Variants in SEC16B observed in about 807,000 individuals in gnomAD.
SEC16B encodes the protein SEC16 homolog B, endoplasmic reticulum export factor, also known as protein transport protein Sec16B.
A neutral mutation model predicts 141.8 loss-of-function variants in SEC16B; 115 were observed. The ratio of observed to expected loss-of-function variants is 0.81; its 90% confidence interval spans 0.70 to 0.95. The LOEUF (loss-of-function observed/expected upper bound fraction) is 0.95. SEC16B is among the 40% of genes least tolerant of loss of function. SEC16B has a pLI of 0.00. For synonymous variants in SEC16B, 493 were observed against 492.5 expected (o/e 1.00, Z -0.01); for missense variants, 1,291 against 1,312.3 (o/e 0.98, Z 0.25).
rs373424743 is a variant in SEC16B at position 177,937,303 on chromosome 1, T to C, written c.2414A>G (p.His805Arg). 27 of 1,613,744 alleles carry C rather than the reference T, an allele frequency of 1.7e-5. No individual in the cohort carries two copies. Among genetic ancestry groups the C allele is most frequent in the Admixed American group, 3.3e-5 (2 of 59,980 alleles). ...CACGCTGCTGCCAGTCCCTGGTAGA[T>C]GGGTCTCAGGAACTGAGTAAAAAGG... ...PRPFYSVPETHLPGTGSSVAV... is the reference protein window; with the variant it reads ...PRPFYSVPETRLPGTGSSVAV... The change falls in exon 19 of 26, where the codon CAT (histidine) becomes CGT (arginine). Residue 805 changes from histidine (H) to arginine (R), a missense_variant. Coordinates refer to ENST00000308284, the MANE Select transcript of SEC16B (RefSeq NM_033127.4).
At chr1:177,950,659 A>T (rs1383371313) in intron 12 of SEC16B, among the ~76,000 whole-genome samples, 1 of 152,172 alleles carries the variant, frequency 6.6e-6, no homozygotes, top group Non-Finnish European at 1.5e-5. Flanking sequence ...TAAGTAAAAT[A>T]ATGAAGCAAT....
chr1:177,930,793 C>A, intron 24 of SEC16B, 150 bp from the exon 25 acceptor site: 1 of 505,798 alleles, frequency 2.0e-6, no homozygotes. Context: ...CATGAATATG[C>A]ATTTCTCAAA....
At chr1:177,957,483 T>G (rs1652699007) in intron 10 of SEC16B, among the ~76,000 whole-genome samples, 1 of 152,180 alleles carries the variant, frequency 6.6e-6, no homozygotes, top group Non-Finnish European at 1.5e-5. Flanking sequence ...AGTAAATGTA[T>G]CAAAATGTTA....
At chr1:177,971,859 C>T (rs974578166), upstream of SEC16B, among the ~76,000 whole-genome samples, 9 of 152,124 alleles carry the variant, frequency 5.9e-5, no homozygotes, top group Admixed American at 1.3e-4. Context: ...TTGTGTGAGC[C>T]GGTTGTTAAA....
rs1284714678 is a variant in SEC16B, at chr1:177,958,247, G to A, written c.1250C>T (p.Pro417Leu). Residue 417 changes from proline to leucine, a missense_variant, in exon 10 of 26, where the codon CCA becomes CTA. This residue lies in a region of SEC16B where 681 missense variants were observed against 675.5 expected (regional missense o/e 1.01). Coordinates refer to ENST00000308284, the MANE Select transcript of SEC16B (RefSeq NM_033127.4). ...GTTCGGGGTCCCAGAGCTCAGCACT[G>A]GCCAGTCCTCATCGGTCAGGTTGAT... is the stretch of plus-strand genomic sequence containing the variant. The part of the protein sequence containing the change: ...NLINLTDEDW[P>L]VLSSGTPNLL... 1.9e-6 allele frequency: 3 copies of A among 1,609,828 alleles called. No individual in the cohort carries two copies. The highest frequency in any genetic ancestry group is 2.5e-6 in the Non-Finnish European group (3 of 1,177,960).
chr1:177,941,764 T>C, intron 16 of SEC16B, 136 bp downstream of exon 16: 1 of 920,480 alleles, frequency 1.1e-6, no homozygotes, highest in Non-Finnish European at 1.6e-6. Context: ...CATGCATACA[T>C]GGTCAAAGAT....
chr1:177,933,113 G>C (rs368711269), intron 22 of SEC16B, 101 bp downstream of exon 22: 5 of 916,644 alleles, frequency 5.5e-6, no homozygotes, highest in East Asian at 5.3e-5. Flanking sequence ...ATGTGGCCTG[G>C]GGTAGACTCA....
intron 1 of SEC16B, among the ~76,000 whole-genome samples, chr1:177,976,663 C>T (rs1654180446): frequency 6.6e-6 from 1 of 152,110 alleles, no homozygotes. Context: ...TAGATTAAAA[C>T]CCTACAAAGT....
At position 177,960,423 on chromosome 1, in the gene SEC16B, TTTTGTG is replaced by T; in HGVS notation, c.937-26_937-21del. On this transcript the variant is annotated intron_variant, in intron 7 of 25. Coordinates refer to ENST00000308284, the MANE Select transcript of SEC16B (RefSeq NM_033127.4). ...AATAACCTGGAATAAAACAATCAGA[TTTTGTG>T]TTTAAGACTGTGGCCACCCTAGGCC... 1 of 1,550,406 alleles carries T rather than the reference TTTTGTG, an allele frequency of 6.4e-7. No individual in the cohort carries two copies.
upstream of SEC16B, among the ~76,000 whole-genome samples, chr1:177,973,987 G>T (rs1571359562): frequency 6.6e-6 from 1 of 151,532 alleles, no homozygotes; most frequent in Non-Finnish European, 1.5e-5. Context: ...GGAGGAGAAG[G>T]GACATATAGA....
At position 177,965,977 on chromosome 1, in the gene SEC16B, A is replaced by G; in HGVS notation, c.328T>C (p.Tyr110His). The G allele has an allele frequency of 6.3e-7, 1 of 1,591,856 alleles. No individual in the cohort carries two copies. The highest frequency in any genetic ancestry group is 1.3e-5 in the African/African-American group (1 of 74,838). The change falls in exon 3 of 26, where the codon TAT becomes CAT. Residue 110 changes from tyrosine to histidine, a missense_variant. Physicochemically the swap from Tyr to His is moderately conservative, Grantham distance 83. Transcript: ENST00000308284. ...RPGYENSYQS[Y>H]QSPTMREEYA... ...TCCTCCCTCATTGTGGGAGACTGAT[A>G]GCTCTGATATGAATTCTCATAACCT... is the stretch of plus-strand genomic sequence containing the variant.
chr1:177,981,402 G>A (rs1340091439), intron 1 of SEC16B, among the ~76,000 whole-genome samples: 2 of 152,020 alleles, frequency 1.3e-5, no homozygotes, highest in Non-Finnish European at 2.9e-5. Flanking sequence ...CAGGCACCCG[G>A]AACTTATGCT....
At position 177,933,641 on chromosome 1, in the gene SEC16B, A is replaced by G. The variant is rs1650623603; in HGVS notation, c.2572-5T>C. The G allele has an allele frequency of 6.2e-7, 1 of 1,613,736 alleles. No homozygotes were observed. The highest frequency in any genetic ancestry group is 8.5e-7 in the Non-Finnish European group (1 of 1,179,740). ...TGGTCTAGCAGCCAATGGTGTCTGG[A>G]ATTAAAGAAATAACTCACATTTGCA... On this transcript the variant is annotated splice_region_variant and splice_polypyrimidine_tract_variant and intron_variant, in intron 20 of 25. Transcript: ENST00000308284.
intron 24 of SEC16B, among the ~76,000 whole-genome samples, chr1:177,932,169 C>T (rs910043899): frequency 3.9e-5 from 6 of 152,152 alleles, no homozygotes; most frequent in African/African-American, 1.4e-4. Context: ...GAAATCTGAA[C>T]ACAGACACGC....
At chr1:177,929,989 T>C (rs1650296533) in intron 25 of SEC16B, 60 bp from the exon 26 acceptor site, 1 of 1,553,976 alleles carries the variant, frequency 6.4e-7, no homozygotes, top group Non-Finnish European at 8.8e-7. Flanking sequence ...CTGCCCGGGG[T>C]TGATTGGACA....
chr1:177,937,546 A>C, intron 18 of SEC16B, 33 bp from the exon 19 acceptor site: 1 of 1,463,828 alleles, frequency 6.8e-7, no homozygotes. Flanking sequence ...AAGAAGTCAG[A>C]CCTGAAATGC....
intron 10 of SEC16B, among the ~76,000 whole-genome samples, chr1:177,955,745 G>A (rs1472263490): frequency 2.0e-5 from 3 of 152,180 alleles, no homozygotes; most frequent in Non-Finnish European, 4.4e-5. Context: ...GAGTGAATTG[G>A]CACAATCTCT....
upstream of SEC16B, among the ~76,000 whole-genome samples, chr1:177,973,617 C>CT (rs1344109613): frequency 6.6e-6 from 1 of 152,132 alleles, no homozygotes. Flanking sequence ...GCTCAGTCTG[C>CT]TTTTCTTGAT....
chr1:177,948,992 G>A (rs1023170980), intron 12 of SEC16B, among the ~76,000 whole-genome samples: 19 of 151,278 alleles, frequency 1.3e-4, no homozygotes, highest in South Asian at 2.1e-4. Flanking sequence ...TTGCATAGCC[G>A]CCTACCTTCC....
Sources: allele counts gnomAD v4.1 joint callset (sites outside exome capture counted in the v4.1 genomes callset), GRCh38; gene constraint gnomAD v4.1.1; regional missense constraint gnomAD v4.1.1; transcripts MANE v1.5; gene names NCBI Gene and HGNC (gene_info 2026-07-23, HGNC 2026-07-21).